Variants in CTNNA1 observed in about 807,000 individuals in gnomAD.
CTNNA1 encodes catenin alpha-1.
In CTNNA1, 37 loss-of-function variants were observed where a neutral mutation model predicts 98.4. The ratio of observed to expected loss-of-function variants is 0.38; its 90% CI spans 0.29 to 0.49. The LOEUF (loss-of-function observed/expected upper bound fraction) is 0.49, where lower values mean the gene tolerates loss of function less well. Ranked by LOEUF, CTNNA1 falls within the 20% of genes least tolerant of loss-of-function variation. The pLI is 0.95. For missense variants in CTNNA1, 761 were observed against 1,147.2 expected, an observed-to-expected ratio of 0.66 and a Z score of 4.86; for synonymous variants, 404 against 413.2, an observed-to-expected ratio of 0.98 and a Z score of 0.27.
chr5:138,877,186 G>A (rs1277055569), intron 7 of CTNNA1, among the ~76,000 whole-genome samples: 1 of 152,162 alleles, frequency 6.6e-6, no homozygotes, highest in African/African-American at 2.4e-5. Flanking sequence ...AACAAGTCCT[G>A]GTTTAGACCC....
intron 7 of CTNNA1, among the ~76,000 whole-genome samples, chr5:138,858,161 C>T (rs1763896685): frequency 6.7e-6 from 1 of 149,698 alleles, no homozygotes; most frequent in African/African-American, 2.5e-5. Flanking sequence ...GGTTCTTGCT[C>T]TGTTGCCCAG....
chr5:138,823,134 G>A (rs952028592), intron 5 of CTNNA1, among the ~76,000 whole-genome samples: 3 of 152,200 alleles, frequency 2.0e-5, no homozygotes, highest in Non-Finnish European at 4.4e-5. Context: ...GTTATCACCT[G>A]TATTCTTCTT....
intron 1 of CTNNA1, among the ~76,000 whole-genome samples, chr5:138,769,518 T>C (rs1316623485): frequency 6.6e-6 from 1 of 150,960 alleles, no homozygotes; most frequent in Admixed American, 6.6e-5. Context: ...CCTCCCGATA[T>C]TTTTATTTTA....
At chr5:138,764,467 C>G (rs1432700534) in intron 1 of CTNNA1, among the ~76,000 whole-genome samples, 1 of 151,624 alleles carries the variant, frequency 6.6e-6, no homozygotes. Flanking sequence ...AAGATGGCAA[C>G]TTTTTTCTTT....
chr5:138,875,523 C>T, intron 7 of CTNNA1: 1 of 985,492 alleles, frequency 1.0e-6, no homozygotes, highest in Non-Finnish European at 1.2e-6. Context: ...GACTTAAAAA[C>T]ATGATATTCC....
intron 1 of CTNNA1, among the ~76,000 whole-genome samples, chr5:138,779,723 GT>G (rs34599573): frequency 1.6e-4 from 4 of 24,534 alleles, no homozygotes; most frequent in Non-Finnish European, 4.3e-4. Flanking sequence ...TTTTGTTTTT[GT>G]TTTTTTTTTG....
chr5:138,788,614 T>TA (rs1755982850), intron 3 of CTNNA1, among the ~76,000 whole-genome samples: 1 of 152,150 alleles, frequency 6.6e-6, no homozygotes, highest in African/African-American at 2.4e-5. Flanking sequence ...TAACAGTAGA[T>TA]AAAGAGTAGC....
Position 138,782,029 on chromosome 5 carries a change from G to A in CTNNA1, c.105G>A (p.Gln35=), listed in dbSNP as rs2149652115. Residue 35 remains glutamine, a splice_region_variant and synonymous_variant, in exon 2 of 18, where the codon CAG becomes CAA. Transcript: ENST00000302763. ...GACTGTTGGAGCCTCTTGTTACACA[G>A]GTAAGAATCTGAAAACACAAATACA... The part of the protein sequence containing the change: ...VERLLEPLVT[Q]VTTLVNTNSK... 1 of 1,607,600 alleles carries A rather than the reference G, an allele frequency of 6.2e-7. No individual in the cohort carries two copies. The highest frequency in any genetic ancestry group is 8.5e-7 in the Non-Finnish European group (1 of 1,178,584).
intron 7 of CTNNA1, among the ~76,000 whole-genome samples, chr5:138,840,016 C>A (rs1158064827): frequency 6.6e-6 from 1 of 152,170 alleles, no homozygotes; most frequent in African/African-American, 2.4e-5. Context: ...GGGCAGCTTT[C>A]TTGGCTGGAA....
intron 5 of CTNNA1, among the ~76,000 whole-genome samples, chr5:138,815,193 C>T (rs901334708): frequency 6.6e-6 from 1 of 151,760 alleles, no homozygotes; most frequent in African/African-American, 2.4e-5. Flanking sequence ...GTTCCTTGAA[C>T]ATAATCCCTT....
chr5:138,915,252 C>G (rs1455803071), intron 10 of CTNNA1, among the ~76,000 whole-genome samples: 1 of 152,204 alleles, frequency 6.6e-6, no homozygotes, highest in East Asian at 1.9e-4. Context: ...TCATACTACT[C>G]TCATTATTCA....
chr5:138,883,840 A>C (rs1309180465), intron 7 of CTNNA1, among the ~76,000 whole-genome samples: 2 of 152,224 alleles, frequency 1.3e-5, no homozygotes, highest in Non-Finnish European at 2.9e-5. Context: ...TAAAGCATTA[A>C]TTATGAAGTC....
chr5:138,926,799 G>T (rs891635136), intron 13 of CTNNA1, among the ~76,000 whole-genome samples: 1 of 152,124 alleles, frequency 6.6e-6, no homozygotes, highest in African/African-American at 2.4e-5. Context: ...TCCTCAGCCT[G>T]TGAAACACGG....
intron 7 of CTNNA1, among the ~76,000 whole-genome samples, chr5:138,865,966 A>T (rs758333634): frequency 6.6e-6 from 1 of 152,164 alleles, no homozygotes; most frequent in Non-Finnish European, 1.5e-5. Context: ...TGTTCATCAC[A>T]AGAGGAAATT....
chr5:138,850,671 C>CA (rs1277313387), intron 7 of CTNNA1, among the ~76,000 whole-genome samples: 7 of 152,152 alleles, frequency 4.6e-5, no homozygotes, highest in Non-Finnish European at 1.0e-4. Flanking sequence ...TTTACTATTT[C>CA]ACTGTAGTCT....
At chr5:138,776,191 G>GCCTTCC (rs940532127) in intron 1 of CTNNA1, among the ~76,000 whole-genome samples, 2 of 151,980 alleles carry the variant, frequency 1.3e-5, no homozygotes, top group East Asian at 3.9e-4. Flanking sequence ...GGACCCTGCG[G>GCCTTCC]CCTTCCGCAG....
intron 1 of CTNNA1, among the ~76,000 whole-genome samples, chr5:138,771,339 A>G (rs1753531271): frequency 6.6e-6 from 1 of 152,042 alleles, no homozygotes; most frequent in African/African-American, 2.4e-5. Flanking sequence ...TAAGAAAAGG[A>G]GCAAAATAAA....
At chr5:138,796,307 A>G (rs1479994789) in intron 3 of CTNNA1, among the ~76,000 whole-genome samples, 1 of 152,232 alleles carries the variant, frequency 6.6e-6, no homozygotes, top group Non-Finnish European at 1.5e-5. Context: ...CTGTAATCCC[A>G]GCACTTTGGG....
chr5:138,858,939 C>G (rs1004734385), intron 7 of CTNNA1, among the ~76,000 whole-genome samples: 2 of 152,130 alleles, frequency 1.3e-5, no homozygotes, highest in East Asian at 3.8e-4. Flanking sequence ...TTCTACATGC[C>G]CCTCAGAATT....
Sources: allele counts gnomAD v4.1 joint callset (sites outside exome capture counted in the v4.1 genomes callset), GRCh38; gene constraint gnomAD v4.1.1; transcripts MANE v1.5; gene names NCBI Gene and HGNC (gene_info 2026-07-23, HGNC 2026-07-21).